Variants in SLC25A47 observed in about 807,000 individuals in gnomAD.
SLC25A47 encodes the protein HCC-down-regulated mitochondrial carrier protein.
Under a neutral mutation model 29.8 loss-of-function variants are expected in SLC25A47, and 30 were observed. The ratio of observed to expected loss-of-function variants is 1.01; its 90% CI spans 0.75 to 1.36. The LOEUF (loss-of-function observed/expected upper bound fraction) is 1.36. Among genes scored for constraint, SLC25A47 ranks in the 40% most tolerant of loss-of-function variants. SLC25A47 has a pLI of 0.00. For missense variants in SLC25A47, 430 were observed against 441.9 expected, an observed-to-expected ratio of 0.97 and a Z score of 0.24; for synonymous variants, 204 against 197.8, an observed-to-expected ratio of 1.03 and a Z score of -0.26.
rs374251500 is a variant in SLC25A47 at position 100,326,171 on chromosome 14, G to A, written c.87G>A (p.Thr29=). 35 of 1,613,556 alleles carry A rather than the reference G, an allele frequency of 2.2e-5. No homozygotes were observed. The highest frequency in any genetic ancestry group is 2.7e-5 in the Non-Finnish European group (32 of 1,179,902). ...TTCTCCTGCAGGTCAGGATCCAGAC[G>A]GAGCCAAAGTACACAGGCATCTGGC... The part of the protein sequence containing the change: ...PLDTVKVRIQ[T]EPKYTGIWHC... The change falls in exon 3 of 6, where the codon ACG becomes ACA. Residue 29 remains threonine (T), a synonymous_variant. Transcript: ENST00000361529.
chr14:100,327,368 C>T lies in SLC25A47; in HGVS notation c.325C>T (p.Arg109Cys), dbSNP rs564375756. Residue 109 changes from arginine to cysteine, a missense_variant and splice_region_variant, in exon 4 of 6, where the codon CGC becomes TGC. Transcript: ENST00000361529. ...TLSGCASGLV[R>C]VFLTSPTEVA... is the part of the protein sequence containing the mutation. ...CTCGGGATGCGCCTCCGGCCTCGTC[C>T]GCGTGAGTAGGGGCAGCCAGGGTGG... The T allele has an allele frequency of 1.4e-5, 23 of 1,591,372 alleles. No individual in the cohort carries two copies. Among genetic ancestry groups the T allele is most frequent in the South Asian group, 7.8e-5 (7 of 89,662 alleles).
At chr14:100,325,762 A>G (rs775946689) in intron 1 of SLC25A47, 26 bp from the exon 2 acceptor site, 2 of 1,610,598 alleles carry the variant, frequency 1.2e-6, no homozygotes, top group Non-Finnish European at 1.7e-6. Flanking sequence ...CACTCTCCTC[A>G]CCGTGGGCCT....
chr14:100,324,472 G>A (rs1008625627), intron 1 of SLC25A47, among the ~76,000 whole-genome samples: 11 of 152,164 alleles, frequency 7.2e-5, no homozygotes, highest in East Asian at 1.9e-4. Context: ...CGATCCGCAC[G>A]CCTCAGCCTC....
rs1893394148 is a variant in SLC25A47 at position 100,328,953 on chromosome 14, G to A, written c.555G>A (p.Leu185=). 1 of 1,604,090 alleles carries A rather than the reference G, an allele frequency of 6.2e-7. No homozygotes were observed. Among genetic ancestry groups the A allele is most frequent in the Non-Finnish European group, 8.5e-7 (1 of 1,179,894 alleles). The change falls in exon 5 of 6, where the codon CTG becomes CTA. Residue 185 remains leucine (L), a synonymous_variant. Coordinates refer to ENST00000361529, the MANE Select transcript of SLC25A47 (RefSeq NM_207117.4). ...LCGLYKGSSA[L]VLRDGHSFAT... ...GCCTCTACAAGGGCAGCTCGGCCCT[G>A]GTCTTACGGGACGGCCACTCCTTTG... is the stretch of plus-strand genomic sequence containing the variant.
At position 100,330,031 on chromosome 14, in the gene SLC25A47, A is replaced by G; in HGVS notation, c.*386A>G. 4.1e-6 allele frequency: 1 copy of G among 242,004 alleles called. No homozygotes were observed. Among genetic ancestry groups the G allele is most frequent in the Non-Finnish European group, 8.1e-6 (1 of 122,754 alleles). The allele number at this position is 242,004 out of a possible 1,614,324, so 15.0% of individuals were successfully genotyped here. A position where few individuals can be genotyped will look rare whatever the true frequency, so the allele number is the denominator to read the frequency against. The stretch of plus-strand genomic sequence containing the variant: ...CAGCCACCCTCTGCCCCATTCCTAG[A>G]CCCTCACCCCCACCACTGTTCCTGT... On this transcript the variant is annotated 3_prime_UTR_variant, in exon 6 of 6. Coordinates refer to ENST00000361529, the MANE Select transcript of SLC25A47 (RefSeq NM_207117.4).
At chr14:100,324,345 C>T (rs1159775290) in intron 1 of SLC25A47, among the ~76,000 whole-genome samples, 5 of 152,300 alleles carry the variant, frequency 3.3e-5, no homozygotes, top group Admixed American at 2.6e-4. Flanking sequence ...CTGCCTCAGC[C>T]GCCCAAGTAG....
rs1237698022 is a variant in SLC25A47 at position 100,323,407 on chromosome 14, C to T, written c.-8C>T. On this transcript the variant is annotated 5_prime_UTR_variant, in exon 1 of 6. Transcript: ENST00000361529. ...GCAGACCCAGGGCCTCCCCGCCACA[C>T]CTTGTTCATGGATTTTGTCGCTGGA... is the stretch of plus-strand genomic sequence containing the variant. The T allele has an allele frequency of 6.2e-7, 1 of 1,613,796 alleles. No individual in the cohort carries two copies. Among genetic ancestry groups the T allele is most frequent in the East Asian group, 2.2e-5 (1 of 44,876 alleles).
At position 100,323,404 on chromosome 14, in the gene SLC25A47, A is replaced by ACAC; in HGVS notation, c.-9_-7dup. The stretch of plus-strand genomic sequence containing the variant: ...CAGGCAGACCCAGGGCCTCCCCGCC[A>ACAC]CACCTTGTTCATGGATTTTGTCGCT... On this transcript the variant is annotated 5_prime_UTR_variant, in exon 1 of 6. Transcript: ENST00000361529. The ACAC allele has an allele frequency of 1.2e-6, 2 of 1,613,772 alleles. No individual in the cohort carries two copies. The highest frequency in any genetic ancestry group is 1.7e-6 in the Non-Finnish European group (2 of 1,179,876).
intron 2 of SLC25A47, 89 bp downstream of exon 2, chr14:100,325,920 C>G (rs1319144334): frequency 7.0e-7 from 1 of 1,423,486 alleles, no homozygotes; most frequent in Non-Finnish European, 9.6e-7. Context: ...AACAGACCCA[C>G]CCCTTTCCTA....
intron 4 of SLC25A47, 146 bp downstream of exon 4, chr14:100,327,516 C>T (rs978232535): frequency 2.1e-6 from 2 of 947,642 alleles, no homozygotes; most frequent in African/African-American, 1.7e-5. Flanking sequence ...GGGAGAAGAA[C>T]TCGCATCCCG....
Position 100,329,395 on chromosome 14 carries a change from G to A in SLC25A47, c.677G>A (p.Cys226Tyr), listed in dbSNP as rs1435950278. 1.2e-6 allele frequency: 2 copies of A among 1,610,588 alleles called. No homozygotes were observed. The highest frequency in any genetic ancestry group is 1.1e-5 in the South Asian group (1 of 90,954). The change falls in exon 6 of 6, where the codon TGT (cysteine) becomes TAT (tyrosine). Residue 226 changes from cysteine (C) to tyrosine (Y), a missense_variant. Cys to Tyr is a radical substitution (Grantham distance 194). Coordinates refer to ENST00000361529, the MANE Select transcript of SLC25A47 (RefSeq NM_207117.4). The part of the protein sequence containing the change: ...DVPGVLVAGG[C>Y]AGVLAWAVAT... ...CCGGGCGTGCTGGTGGCCGGGGGCTGTGCAGGAGTCCTGGCCTGGGCTGTG... is the reference window on the plus strand; with the variant it reads ...CCGGGCGTGCTGGTGGCCGGGGGCTATGCAGGAGTCCTGGCCTGGGCTGTG...
intron 1 of SLC25A47, among the ~76,000 whole-genome samples, chr14:100,324,447 A>G (rs907447470): frequency 6.6e-5 from 10 of 151,846 alleles, no homozygotes; most frequent in Admixed American, 6.6e-4. Context: ...CTGGTCTCAA[A>G]CTCCTGACCT....
At chr14:100,326,779 G>T (rs755766227) in intron 3 of SLC25A47, among the ~76,000 whole-genome samples, 1 of 152,182 alleles carries the variant, frequency 6.6e-6, no homozygotes, top group Admixed American at 6.5e-5. Context: ...TTCAAGACAA[G>T]CCTTGCCAAC....
At chr14:100,325,913 A>G (rs1251517473) in intron 2 of SLC25A47, 82 bp downstream of exon 2, 1 of 1,467,796 alleles carries the variant, frequency 6.8e-7, no homozygotes. Context: ...AATGCTAAAC[A>G]GACCCACCCC....
At chr14:100,323,772 T>C (rs1181367565) in intron 1 of SLC25A47, among the ~76,000 whole-genome samples, 2 of 151,192 alleles carry the variant, frequency 1.3e-5, no homozygotes, top group Non-Finnish European at 1.5e-5. Flanking sequence ...ATTGAGTCAC[T>C]GGAAGGGAAA....
In SLC25A47 at chr14:100,329,829, G is replaced by T; in HGVS notation, c.*184G>T. ...CGCCCTGCCCAGCTACTGACCTCAG[G>T]TCGAGGGGCCCGCCAGCCATCAGCC... On this transcript the variant is annotated 3_prime_UTR_variant, in exon 6 of 6. Coordinates refer to ENST00000361529, the MANE Select transcript of SLC25A47 (RefSeq NM_207117.4). 1 of 843,952 alleles carries T rather than the reference G, an allele frequency of 1.2e-6. No homozygotes were observed. The highest frequency in any genetic ancestry group is 1.8e-6 in the Non-Finnish European group (1 of 561,598). 52.3% of individuals were successfully genotyped at this position (843,952 alleles called of 1,614,324 possible).
rs138627280 is a variant in SLC25A47 at position 100,328,772 on chromosome 14, C to A, written c.374C>A (p.Thr125Lys). 1.9e-6 allele frequency: 3 copies of A among 1,612,938 alleles called. No homozygotes were observed. Among genetic ancestry groups the A allele is most frequent in the Non-Finnish European group, 2.5e-6 (3 of 1,179,928 alleles). ...PTEVAKVRLQ[T>K]QTQAQKQQRR... ...GAGGTGGCCAAAGTCCGCTTGCAGA[C>A]GCAGACACAGGCGCAGAAGCAGCAG... The change falls in exon 5 of 6, where the codon ACG (threonine) becomes AAG (lysine). Residue 125 changes from threonine to lysine, a missense_variant. Coordinates refer to ENST00000361529, the MANE Select transcript of SLC25A47 (RefSeq NM_207117.4).
rs777563898 is a variant in SLC25A47 at position 100,329,054 on chromosome 14, G to A, written c.646+10G>A. The A allele has an allele frequency of 1.3e-6, 2 of 1,596,596 alleles. No homozygotes were observed. Among genetic ancestry groups the A allele is most frequent in the Non-Finnish European group, 1.7e-6 (2 of 1,179,030 alleles). On this transcript the variant is annotated intron_variant, in intron 5 of 5. Coordinates refer to ENST00000361529, the MANE Select transcript of SLC25A47 (RefSeq NM_207117.4). ...GGCCACAGCCGGCCAGGTGAGCAGGGGCTGGAACCTGGCAGGGCGGGGAGC... is the reference window on the plus strand; with the variant it reads ...GGCCACAGCCGGCCAGGTGAGCAGGAGCTGGAACCTGGCAGGGCGGGGAGC...
In SLC25A47 at chr14:100,324,689, C is replaced by A. The variant is rs115284119; in HGVS notation, c.29-1099C>A. Among the ~76,000 whole-genome samples, 1,459 of 152,316 alleles carry A rather than the reference C, an allele frequency of 9.6e-3. 19 individuals are homozygous for A. Among genetic ancestry groups the A allele is most frequent in the African/African-American group, 0.033 (1,372 of 41,556 alleles). On this transcript the variant is annotated intron_variant, in intron 1 of 5. Coordinates refer to ENST00000361529, the MANE Select transcript of SLC25A47 (RefSeq NM_207117.4). ...TGAGGAGGCCTAGGTAAAGGGCTCT[C>A]ACTCTGTGCCTGGCCCTGGGTCATG...
Sources: gnomAD v4.1 joint callset for allele counts (sites outside exome capture counted in the v4.1 genomes callset) on GRCh38, gnomAD v4.1.1 for gene constraint, MANE v1.5 for transcripts, NCBI Gene and HGNC (gene_info 2026-07-23, HGNC 2026-07-21) for gene names.